The following ATRNL1 variants were observed in gnomAD, a reference collection of about 807,000 sequenced individuals.
ATRNL1 encodes the protein attractin-like protein 1.
ATRNL1 carries 95 observed loss-of-function variants against 182.7 expected under a neutral mutation model. The observed-to-expected ratio is 0.52, with a 90% CI of 0.44 to 0.62. The LOEUF is 0.62. ATRNL1 is among the 20% of genes least tolerant of loss of function. The pLI is 0.00. For missense variants in ATRNL1, 1,471 were observed against 1,679.5 expected (o/e 0.88, Z 2.17); for synonymous variants, 576 against 568.3 (o/e 1.01, Z -0.19).
intron 28 of ATRNL1, among the ~76,000 whole-genome samples, chr10:115,893,190 G>A (rs1952122642): frequency 6.6e-6 from 1 of 152,142 alleles, no homozygotes; most frequent in Non-Finnish European, 1.5e-5. Context: ...AATATCTTAG[G>A]CATGAGGTTG....
chr10:115,529,519 A>G (rs1554987568), intron 25 of ATRNL1, among the ~76,000 whole-genome samples: 2 of 137,336 alleles, frequency 1.5e-5, no homozygotes, highest in Non-Finnish European at 1.7e-5. Flanking sequence ...TATTAATTGA[A>G]TGAGCTTCTA....
Position 115,093,631 on chromosome 10 carries a change from G to A in ATRNL1, c.-120G>A. 8.6e-7 allele frequency: 1 copy of A among 1,161,612 alleles called. No individual in the cohort carries two copies. The highest frequency in any genetic ancestry group is 1.2e-6 in the Non-Finnish European group (1 of 818,010). 72.0% of individuals were successfully genotyped at this position (1,161,612 alleles called of 1,614,324 possible). A position where few individuals can be genotyped will look rare whatever the true frequency, so the allele number is the denominator to read the frequency against. ...TGACCGGGGAGCGGGACTCGGACGG[G>A]CGCCGGTGAGGAGGAGGAGAAGCGG... On this transcript the variant is annotated 5_prime_UTR_variant, in exon 1 of 29. Transcript: ENST00000355044. The surrounding 1 kb of genome is among the most constrained non-coding windows in gnomAD (Gnocchi z 6.1).
intron 9 of ATRNL1, among the ~76,000 whole-genome samples, chr10:115,233,224 C>T (rs564450832): frequency 1.3e-5 from 2 of 152,264 alleles, no homozygotes; most frequent in Admixed American, 1.3e-4. Flanking sequence ...TTTAACTTAA[C>T]TATCTGCAAA....
intron 20 of ATRNL1, among the ~76,000 whole-genome samples, chr10:115,424,731 A>G (rs1028829179): frequency 6.6e-6 from 1 of 152,146 alleles, no homozygotes; most frequent in East Asian, 1.9e-4. Context: ...CTGATCTCAT[A>G]CAAGTTGAGA....
intron 27 of ATRNL1, among the ~76,000 whole-genome samples, chr10:115,780,482 C>T (rs554698557): frequency 6.6e-6 from 1 of 152,242 alleles, no homozygotes; most frequent in East Asian, 1.9e-4. Flanking sequence ...GTCGGGGCTG[C>T]TAAGGAAGTG....
chr10:115,534,897 T>G (rs1402322420), intron 25 of ATRNL1, among the ~76,000 whole-genome samples: 56 of 152,278 alleles, frequency 3.7e-4, no homozygotes, highest in African/African-American at 1.2e-3. Flanking sequence ...AAATTCTGGG[T>G]TGAAAATTCT....
At chr10:115,390,725 T>G (rs2134266828) in intron 19 of ATRNL1, among the ~76,000 whole-genome samples, 1 of 152,316 alleles carries the variant, frequency 6.6e-6, no homozygotes, top group East Asian at 1.9e-4. Flanking sequence ...TTGCATTGAC[T>G]TAGTATATTA....
At chr10:115,200,931 G>A (rs1385121551) in intron 8 of ATRNL1, among the ~76,000 whole-genome samples, 1 of 150,928 alleles carries the variant, frequency 6.6e-6, no homozygotes, top group Non-Finnish European at 1.5e-5. Flanking sequence ...TAACTGGTGT[G>A]AGATGGTATC....
intron 26 of ATRNL1, among the ~76,000 whole-genome samples, chr10:115,555,373 T>G (rs532689955): frequency 6.6e-6 from 1 of 151,894 alleles, no homozygotes; most frequent in Non-Finnish European, 1.5e-5. Flanking sequence ...GATATATATC[T>G]GCCTAGCTTT....
intron 19 of ATRNL1, among the ~76,000 whole-genome samples, chr10:115,392,836 T>G (rs1380727893): frequency 1.3e-5 from 2 of 152,184 alleles, no homozygotes; most frequent in African/African-American, 4.8e-5. Context: ...GCAATCCTGT[T>G]GGTCAGAATA....
At chr10:115,214,095 A>C (rs80228203) in intron 8 of ATRNL1, among the ~76,000 whole-genome samples, 3,757 of 151,070 alleles carry the variant, frequency 0.025, 153 homozygotes, top group African/African-American at 0.086. Flanking sequence ...TATCTAAAAA[A>C]CATGTACATG....
intron 24 of ATRNL1, among the ~76,000 whole-genome samples, chr10:115,493,393 C>T (rs558913390): frequency 6.6e-4 from 100 of 152,150 alleles, no homozygotes; most frequent in Non-Finnish European, 7.6e-4. Flanking sequence ...TGCATTATTT[C>T]GCTTAGGATA....
At chr10:115,386,608 G>A (rs1858364146) in intron 19 of ATRNL1, among the ~76,000 whole-genome samples, 2 of 151,920 alleles carry the variant, frequency 1.3e-5, no homozygotes, top group African/African-American at 2.4e-5. Context: ...TTCTCCTCCA[G>A]TAAAAAGCAC....
intron 20 of ATRNL1, among the ~76,000 whole-genome samples, chr10:115,401,015 G>C (rs983821624): frequency 6.6e-6 from 1 of 151,864 alleles, no homozygotes; most frequent in South Asian, 2.1e-4. Flanking sequence ...TATGCAGTAA[G>C]TGTACTAACT....
intron 26 of ATRNL1, chr10:115,597,941 A>T (rs1423281140): frequency 6.0e-6 from 1 of 166,556 alleles, no homozygotes; most frequent in Non-Finnish European, 1.3e-5. Flanking sequence ...CGTGATATAT[A>T]GATTATTTTT....
chr10:115,190,970 T>C (rs572239042), intron 8 of ATRNL1, among the ~76,000 whole-genome samples: 20 of 152,254 alleles, frequency 1.3e-4, no homozygotes, highest in African/African-American at 4.6e-4. Context: ...GAATACGTGA[T>C]ATTTGTCTTT....
At chr10:115,314,332 G>T (rs1854185350) in intron 17 of ATRNL1, among the ~76,000 whole-genome samples, 2 of 152,116 alleles carry the variant, frequency 1.3e-5, no homozygotes, top group Non-Finnish European at 2.9e-5. Context: ...TCTATTATCT[G>T]TGCAGAGTCA....
intron 21 of ATRNL1, among the ~76,000 whole-genome samples, chr10:115,444,883 C>T (rs1333769281): frequency 6.6e-6 from 1 of 151,542 alleles, no homozygotes; most frequent in Non-Finnish European, 1.5e-5. Flanking sequence ...AGGTGTGCGC[C>T]ACCACGCCAG....
chr10:115,303,703 A>AT (rs756458860), intron 17 of ATRNL1, among the ~76,000 whole-genome samples: 63 of 151,748 alleles, frequency 4.2e-4, no homozygotes, highest in Non-Finnish European at 6.2e-4. Context: ...GACTCCTTGG[A>AT]TTTTTTTTTC....
Sources: gnomAD v4.1 joint callset for allele counts (sites outside exome capture counted in the v4.1 genomes callset) on GRCh38, gnomAD v4.1.1 for gene constraint, Gnocchi (gnomAD v3.1) non-coding constraint, MANE v1.5 for transcripts, NCBI Gene and HGNC (gene_info 2026-07-23, HGNC 2026-07-21) for gene names.